Variants in SYN2 observed in about 807,000 individuals in gnomAD.
SYN2 encodes the protein synapsin-2.
A neutral mutation model predicts 50.9 loss-of-function variants in SYN2; 19 were observed. The observed-to-expected ratio is 0.37, with a 90% CI of 0.26 to 0.55. SYN2 has a LOEUF of 0.55. Among genes scored for constraint, SYN2 ranks in the 20% least tolerant of loss-of-function variants. The pLI, the probability that SYN2 is intolerant of heterozygous loss-of-function variation, is 0.81. For missense variants in SYN2, 587 were observed against 576.4 expected (o/e 1.02, Z -0.19); for synonymous variants, 255 against 224.9 (o/e 1.13, Z -1.20).
At chr3:12,141,537 T>G (rs911726555) in intron 2 of SYN2, among the ~76,000 whole-genome samples, 1 of 152,254 alleles carries the variant, frequency 6.6e-6, no homozygotes, top group African/African-American at 2.4e-5. Flanking sequence ...AGTGCTTTTA[T>G]GTTGAAACTG....
intron 5 of SYN2, chr3:12,157,577 G>T: frequency 1.6e-6 from 2 of 1,230,418 alleles, no homozygotes; most frequent in Non-Finnish European, 2.3e-6. Flanking sequence ...AAGTCTATAG[G>T]GCAGTTCTTG....
intron 1 of SYN2, among the ~76,000 whole-genome samples, chr3:12,066,943 A>C (rs1695229264): frequency 6.6e-6 from 1 of 152,168 alleles, no homozygotes; most frequent in Admixed American, 6.5e-5. Flanking sequence ...GAAAGCAAAC[A>C]TGTCCTTCTT....
intron 1 of SYN2, among the ~76,000 whole-genome samples, chr3:12,121,803 A>T (rs1331974820): frequency 6.6e-6 from 1 of 152,168 alleles, no homozygotes; most frequent in African/African-American, 2.4e-5. Flanking sequence ...GAATTGGCTC[A>T]GATGATTGTG....
rs73139671 is a variant in SYN2, at chr3:12,113,201, A to C, written c.378-27450A>C. On this transcript the variant is annotated intron_variant, in intron 1 of 12. Coordinates refer to ENST00000621198, the MANE Select transcript of SYN2 (RefSeq NM_133625.6). ...AGTTCTTGTACCAATATCTTCATGC[A>C]ATATTTTTTTCCACCAAAGTATTCC... Among the ~76,000 whole-genome samples the C allele has an allele frequency of 7.4e-3, 1,133 of 152,290 alleles. 10 individuals carry two copies. The highest frequency in any genetic ancestry group is 0.026 in the African/African-American group (1,067 of 41,576).
chr3:12,176,660 C>T (rs576210978), intron 10 of SYN2, among the ~76,000 whole-genome samples: 10 of 152,300 alleles, frequency 6.6e-5, no homozygotes, highest in African/African-American at 2.4e-4. Context: ...ACTCTAACTC[C>T]GATCAGAATG....
At chr3:12,111,938 C>T (rs2125195668) in intron 1 of SYN2, among the ~76,000 whole-genome samples, 1 of 152,260 alleles carries the variant, frequency 6.6e-6, no homozygotes, top group East Asian at 1.9e-4. Context: ...GAAATAGAAT[C>T]TGGGTCATGG....
chr3:12,161,888 C>T, intron 6 of SYN2, 124 bp from the exon 7 acceptor site: 1 of 1,356,342 alleles, frequency 7.4e-7, no homozygotes, highest in Non-Finnish European at 1.0e-6. Context: ...GGAGATGTGG[C>T]ACCCAGATTA....
At chr3:12,178,755 A>C (rs1396733222) in intron 10 of SYN2, among the ~76,000 whole-genome samples, 2 of 152,216 alleles carry the variant, frequency 1.3e-5, no homozygotes, top group East Asian at 3.8e-4. Context: ...ATTGCCTAAC[A>C]CTTTACAGTT....
Position 12,070,103 on chromosome 3 carries a change from A to G in SYN2, c.377+65175A>G, listed in dbSNP as rs1695311654. 2.1e-5 allele frequency: 6 copies of G among 279,332 alleles called. No homozygotes were observed. The South Asian group carries it at 2.3e-4, about 11-fold the overall frequency. 17.3% of individuals were successfully genotyped at this position (279,332 alleles called of 1,614,324 possible). ...GCATAAGCCACTATGCCTGTCTGGTACTCCAGTTTTGATATGCATTTTCCT... is the reference window on the plus strand; with the variant it reads ...GCATAAGCCACTATGCCTGTCTGGTGCTCCAGTTTTGATATGCATTTTCCT... On this transcript the variant is annotated intron_variant, in intron 1 of 12. Transcript: ENST00000621198.
At chr3:12,075,562 C>T (rs2125170920) in intron 1 of SYN2, among the ~76,000 whole-genome samples, 1 of 152,150 alleles carries the variant, frequency 6.6e-6, no homozygotes, top group South Asian at 2.1e-4. Context: ...TCTGTGAATG[C>T]TACTCAGTTT....
At chr3:12,058,310 G>A (rs942543627) in intron 1 of SYN2, among the ~76,000 whole-genome samples, 6 of 152,072 alleles carry the variant, frequency 3.9e-5, no homozygotes, top group Non-Finnish European at 8.8e-5. Context: ...CAGCTGTATT[G>A]TTAAAGACAT....
At chr3:12,142,877 A>T (rs1380309806) in intron 3 of SYN2, among the ~76,000 whole-genome samples, 1 of 152,222 alleles carries the variant, frequency 6.6e-6, no homozygotes, top group Non-Finnish European at 1.5e-5. Context: ...TGGTGACAGG[A>T]AAGGCCAGAC....
chr3:12,004,881 C>A lies in SYN2; in HGVS notation c.330C>A (p.Ala110=). The change falls in exon 1 of 13, where the codon GCC becomes GCA. Residue 110 remains alanine (A), a synonymous_variant. Transcript: ENST00000621198. ...VDAPAPAPAA[A]RKAKVLLVVD... ...CGCCCGCTCCCGCGCCCGCAGCCGC[C>A]AGGAAGGCCAAGGTGCTGCTGGTGG... is the stretch of plus-strand genomic sequence containing the variant. The A allele has an allele frequency of 1.7e-6, 1 of 579,382 alleles. No individual in the cohort carries two copies. The highest frequency in any genetic ancestry group is 3.1e-6 in the Non-Finnish European group (1 of 323,806). The allele number at this position is 579,382 out of a possible 1,614,324, so 35.9% of individuals were successfully genotyped here.
chr3:12,123,170 G>T (rs140220130), intron 1 of SYN2, among the ~76,000 whole-genome samples: 1 of 152,162 alleles, frequency 6.6e-6, no homozygotes, highest in Non-Finnish European at 1.5e-5. Context: ...AGAGAGGATG[G>T]AAAAGAGGCA....
intron 1 of SYN2, among the ~76,000 whole-genome samples, chr3:12,137,254 A>C (rs1477448060): frequency 6.6e-6 from 1 of 151,610 alleles, no homozygotes; most frequent in Admixed American, 6.6e-5. Context: ...TCTCAAAAAA[A>C]AAAAAAAAAA....
intron 1 of SYN2, among the ~76,000 whole-genome samples, chr3:12,098,667 A>C (rs973884181): frequency 6.6e-6 from 1 of 151,932 alleles, no homozygotes; most frequent in Non-Finnish European, 1.5e-5. Context: ...AAATTAAGAT[A>C]TAGGGAAAAC....
At position 12,151,337 on chromosome 3, in the gene SYN2, C is replaced by T. The variant is rs376599762; in HGVS notation, c.774+11C>T. ...AACCACAAAGAGATGGTAAGTGGCT[C>T]AGTGGGGACATTAGTCTTTCTGCTG... On this transcript the variant is annotated intron_variant, in intron 5 of 12. Transcript: ENST00000621198. 1.2e-6 allele frequency: 2 copies of T among 1,603,712 alleles called. No homozygotes were observed.
chr3:12,151,970 G>A (rs558189033), intron 5 of SYN2, among the ~76,000 whole-genome samples: 37 of 152,242 alleles, frequency 2.4e-4, no homozygotes, highest in Admixed American at 2.1e-3. Context: ...TGTTTTTCCC[G>A]TGCAGGGACC....
intron 1 of SYN2, chr3:12,070,210 C>G: frequency 2.5e-6 from 1 of 394,810 alleles, no homozygotes; most frequent in East Asian, 6.6e-5. Context: ...CCGCCCTGCT[C>G]CTCCGCCTGT....
Sources: allele counts gnomAD v4.1 joint callset (sites outside exome capture counted in the v4.1 genomes callset), GRCh38; gene constraint gnomAD v4.1.1; transcripts MANE v1.5; gene names NCBI Gene and HGNC (gene_info 2026-07-23, HGNC 2026-07-21).